MYBL2: variants seen among roughly 807,000 people sequenced by gnomAD.
MYBL2 encodes myb-related protein B.
A neutral mutation model predicts 79.9 loss-of-function variants in MYBL2; 28 were observed. The observed-to-expected ratio is 0.35, with a 90% CI of 0.26 to 0.48. MYBL2 has a LOEUF of 0.48. MYBL2 is among the 20% of genes least tolerant of loss of function. MYBL2 has a pLI of 0.99. For synonymous variants in MYBL2, 378 were observed against 361.2 expected (o/e 1.05, Z -0.53); for missense variants, 735 against 893.9 (o/e 0.82, Z 2.27).
chr20:43,714,483 C>T (rs369534240), intron 12 of MYBL2, among the ~76,000 whole-genome samples: 21 of 152,156 alleles, frequency 1.4e-4, no homozygotes, highest in African/African-American at 5.1e-4. Flanking sequence ...CGGCACCCAT[C>T]CCAGGGCTGA....
At chr20:43,694,062 G>T (rs904902169) in intron 6 of MYBL2, among the ~76,000 whole-genome samples, 1 of 151,556 alleles carries the variant, frequency 6.6e-6, no homozygotes, top group Non-Finnish European at 1.5e-5. Context: ...GCCGGGCACG[G>T]TGGCTCACGC....
chr20:43,673,246 CTTTTT>C (rs3091633), intron 1 of MYBL2, among the ~76,000 whole-genome samples: 1 of 145,072 alleles, frequency 6.9e-6, no homozygotes, highest in Non-Finnish European at 1.5e-5. Flanking sequence ...TGCCTGGCCT[CTTTTT>C]TTTTTTTTTT....
chr20:43,704,042 CAGGCTGGAGGCTGG>C (rs1270690482), intron 8 of MYBL2, among the ~76,000 whole-genome samples: 1 of 152,146 alleles, frequency 6.6e-6, no homozygotes, highest in South Asian at 2.1e-4. Flanking sequence ...CTCTGTTGCC[CAGGCTGGAGGCTGG>C]AGGCTGGAGT....
chr20:43,708,386 C>CA (rs1406435247), intron 9 of MYBL2, among the ~76,000 whole-genome samples: 1 of 152,134 alleles, frequency 6.6e-6, no homozygotes, highest in Non-Finnish European at 1.5e-5. Context: ...AGGGGTGAGC[C>CA]ACAAGGCCCG....
At chr20:43,679,467 A>G (rs1987094637) in intron 2 of MYBL2, among the ~76,000 whole-genome samples, 1 of 152,050 alleles carries the variant, frequency 6.6e-6, no homozygotes, top group South Asian at 2.1e-4. Flanking sequence ...AAACTTTTTC[A>G]TCTTTGAAAT....
intron 1 of MYBL2, among the ~76,000 whole-genome samples, chr20:43,670,009 C>T (rs968960485): frequency 2.0e-5 from 3 of 152,206 alleles, no homozygotes; most frequent in African/African-American, 7.2e-5. Context: ...GAGGCTGAGG[C>T]AGGAGAATTC....
Position 43,710,078 on chromosome 20 carries a change from G to T in MYBL2, c.1605+16G>T. The T allele has an allele frequency of 6.3e-7, 1 of 1,579,640 alleles. No homozygotes were observed. ...GAAGCCCCTGGTACGTGGTGTGGTC[G>T]CTGCCGTGGATCTCTGCACAGTGGG... On this transcript the variant is annotated intron_variant, in intron 10 of 13. Transcript: ENST00000217026.
chr20:43,692,372 C>T, intron 6 of MYBL2, 53 bp downstream of exon 6: 1 of 1,602,246 alleles, frequency 6.2e-7, no homozygotes, highest in Non-Finnish European at 8.5e-7. Flanking sequence ...TCATCTGACA[C>T]CATCTCATTG....
chr20:43,684,850 A>C (rs529011158), intron 4 of MYBL2, among the ~76,000 whole-genome samples: 329 of 148,722 alleles, frequency 2.2e-3, no homozygotes, highest in African/African-American at 7.5e-3. Context: ...AAAAAAAAAA[A>C]ACACAAAAGA....
At chr20:43,683,821 T>A (rs1378485888) in intron 4 of MYBL2, among the ~76,000 whole-genome samples, 1 of 152,100 alleles carries the variant, frequency 6.6e-6, no homozygotes, top group East Asian at 1.9e-4. Context: ...CCCAAAGTGC[T>A]GGAATTACAG....
At chr20:43,685,991 C>G (rs866435826) in intron 4 of MYBL2, among the ~76,000 whole-genome samples, 2 of 151,954 alleles carry the variant, frequency 1.3e-5, no homozygotes, top group Non-Finnish European at 2.9e-5. Context: ...GAGCCAAGAT[C>G]GTGCCATTGC....
At chr20:43,678,619 G>T (rs770840706) in intron 2 of MYBL2, among the ~76,000 whole-genome samples, 79 of 152,106 alleles carry the variant, frequency 5.2e-4, no homozygotes, top group Non-Finnish European at 9.0e-4. Flanking sequence ...CACTTTGGGA[G>T]GCTGAGATGG....
At chr20:43,700,275 C>A (rs1230690792) in intron 7 of MYBL2, among the ~76,000 whole-genome samples, 1 of 152,158 alleles carries the variant, frequency 6.6e-6, no homozygotes, top group African/African-American at 2.4e-5. Flanking sequence ...TGGCATCTGA[C>A]CTCTATGTAT....
intron 3 of MYBL2, 86 bp downstream of exon 3, chr20:43,681,941 A>C: frequency 7.2e-7 from 1 of 1,394,504 alleles, no homozygotes; most frequent in East Asian, 2.4e-5. Context: ...CAAGGAGGGG[A>C]AAAGGGAGTT....
intron 11 of MYBL2, 113 bp downstream of exon 11, chr20:43,711,714 A>G (rs1987912091): frequency 1.1e-6 from 1 of 911,896 alleles, no homozygotes; most frequent in East Asian, 2.7e-5. Flanking sequence ...ATGGGGGCGT[A>G]GCATATCCCC....
chr20:43,703,919 A>T lies in MYBL2; in HGVS notation c.1365+1016A>T, dbSNP rs533301005. Among the ~76,000 whole-genome samples the T allele has an allele frequency of 2.6e-5, 4 of 152,258 alleles. No individual in the cohort carries two copies. The South Asian group carries it at 6.2e-4, about 24-fold the overall frequency. ...GCGGCTCCTGTGTCTTCACGTGGTC[A>T]CCTGTGTCCTAATCTATTATTTTTT... is the stretch of plus-strand genomic sequence containing the variant. On this transcript the variant is annotated intron_variant, in intron 8 of 13. Coordinates refer to ENST00000217026, the MANE Select transcript of MYBL2 (RefSeq NM_002466.4).
Position 43,703,012 on chromosome 20 carries a change from A to G in MYBL2, c.1365+109A>G, listed in dbSNP as rs549022684. ...ACCTGGCTCTGCCCTCATGCAGCTTATGCTCTGGTAGGAAGACCAGGTAAC... is the reference window on the plus strand; with the variant it reads ...ACCTGGCTCTGCCCTCATGCAGCTTGTGCTCTGGTAGGAAGACCAGGTAAC... On this transcript the variant is annotated intron_variant, in intron 8 of 13. Transcript: ENST00000217026. The G allele has an allele frequency of 3.1e-5, 38 of 1,242,862 alleles. No individual in the cohort carries two copies. In the African/African-American group the frequency reaches 5.4e-4, roughly 18 times the overall value. 77.0% of individuals were successfully genotyped at this position (1,242,862 alleles called of 1,614,324 possible).
intron 2 of MYBL2, among the ~76,000 whole-genome samples, chr20:43,676,839 CA>C (rs1375305092): frequency 6.7e-6 from 1 of 150,370 alleles, no homozygotes; most frequent in Non-Finnish European, 1.5e-5. Flanking sequence ...GTTTTCAACC[CA>C]TAGTTAACAT....
chr20:43,678,857 C>CAAAA (rs762645852), intron 2 of MYBL2, among the ~76,000 whole-genome samples: 5 of 19,226 alleles, frequency 2.6e-4, no homozygotes, highest in South Asian at 1.7e-3. Context: ...AACTCCGTCT[C>CAAAA]AAAAAAAAAA....
Sources: allele counts gnomAD v4.1 joint callset (sites outside exome capture counted in the v4.1 genomes callset), GRCh38; gene constraint gnomAD v4.1.1; transcripts MANE v1.5; gene names NCBI Gene and HGNC (gene_info 2026-07-23, HGNC 2026-07-21).